Variants in ST3GAL2 observed in about 807,000 individuals in gnomAD.
The protein encoded by ST3GAL2 is ST3 beta-galactoside alpha-2,3-sialyltransferase 2.
Under a neutral mutation model 37.5 loss-of-function variants are expected in ST3GAL2, and 16 were observed. The ratio of observed to expected loss-of-function variants is 0.43; its 90% CI spans 0.29 to 0.65. ST3GAL2 has a LOEUF of 0.65. Ranked by LOEUF, ST3GAL2 falls within the 30% of genes least tolerant of loss-of-function variation. The pLI is 0.17. For synonymous variants in ST3GAL2, 238 were observed against 202.9 expected (o/e 1.17, Z -1.47); for missense variants, 383 against 487.8 (o/e 0.79, Z 2.02).
chr16:70,406,787 A>G (rs2047595389), intron 1 of ST3GAL2, among the ~76,000 whole-genome samples: 1 of 152,168 alleles, frequency 6.6e-6, no homozygotes. Context: ...TCTCAAAAAA[A>G]AAAAAGGAAT....
intron 1 of ST3GAL2, among the ~76,000 whole-genome samples, chr16:70,418,989 G>A (rs16970153): frequency 0.081 from 12,321 of 152,152 alleles, 1,662 homozygotes; most frequent in African/African-American, 0.28. Flanking sequence ...TCTCCTAAAG[G>A]GCCCAACCCG....
At chr16:70,413,204 C>G (rs1475623095) in intron 1 of ST3GAL2, among the ~76,000 whole-genome samples, 1 of 150,726 alleles carries the variant, frequency 6.6e-6, no homozygotes, top group African/African-American at 2.4e-5. Context: ...GAGCTAAGAT[C>G]GGGCCACTGC....
At chr16:70,399,576 C>T (rs773037981) in intron 1 of ST3GAL2, 43 bp from the exon 2 acceptor site, 7 of 396,774 alleles carry the variant, frequency 1.8e-5, no homozygotes, top group South Asian at 1.4e-4. Flanking sequence ...ATGAATCACA[C>T]GGGCACCAGG....
intron 1 of ST3GAL2, among the ~76,000 whole-genome samples, chr16:70,429,639 T>C (rs2047775552): frequency 9.2e-6 from 1 of 108,470 alleles, no homozygotes; most frequent in Non-Finnish European, 1.7e-5. Context: ...CTTTAAATTC[T>C]TTTTTTTTTT....
At chr16:70,436,762 C>A (rs1479851851) in intron 1 of ST3GAL2, among the ~76,000 whole-genome samples, 1 of 152,106 alleles carries the variant, frequency 6.6e-6, no homozygotes, top group Non-Finnish European at 1.5e-5. Flanking sequence ...GTGCTAAGGA[C>A]CAAGCCAGGT....
intron 1 of ST3GAL2, among the ~76,000 whole-genome samples, chr16:70,423,585 T>C (rs909614438): frequency 2.0e-5 from 3 of 152,172 alleles, no homozygotes; most frequent in African/African-American, 7.2e-5. Flanking sequence ...ACCTGGGTTC[T>C]TGCCTCAGTT....
At chr16:70,437,937 T>C (rs559054785) in intron 1 of ST3GAL2, among the ~76,000 whole-genome samples, 2 of 152,218 alleles carry the variant, frequency 1.3e-5, no homozygotes, top group East Asian at 3.9e-4. Context: ...CCCGGAGGCT[T>C]TGACTGAAAA....
chr16:70,389,842 A>C (rs1167519859), intron 3 of ST3GAL2, among the ~76,000 whole-genome samples: 1 of 151,272 alleles, frequency 6.6e-6, no homozygotes, highest in Non-Finnish European at 1.5e-5. Flanking sequence ...GCTGGAGTGC[A>C]GTGTCACAAT....
chr16:70,429,929 C>G (rs2151680406), intron 1 of ST3GAL2, among the ~76,000 whole-genome samples: 2 of 152,284 alleles, frequency 1.3e-5, no homozygotes, highest in Non-Finnish European at 2.9e-5. Context: ...AATGACTTGC[C>G]CCGGGTCACA....
At chr16:70,420,977 G>A (rs1372771456) in intron 1 of ST3GAL2, among the ~76,000 whole-genome samples, 2 of 152,214 alleles carry the variant, frequency 1.3e-5, no homozygotes, top group African/African-American at 4.8e-5. Context: ...TTCCAGCTAG[G>A]AAGAGAGGTC....
intron 1 of ST3GAL2, among the ~76,000 whole-genome samples, chr16:70,434,467 G>A (rs1015291308): frequency 2.6e-5 from 4 of 152,096 alleles, no homozygotes; most frequent in Non-Finnish European, 5.9e-5. Flanking sequence ...CAGACTTTTG[G>A]GGGCAGACAA....
chr16:70,392,031 T>C (rs980123518), intron 3 of ST3GAL2, among the ~76,000 whole-genome samples: 2 of 152,218 alleles, frequency 1.3e-5, no homozygotes, highest in African/African-American at 2.4e-5. Flanking sequence ...CCATCTGTCT[T>C]CTGCACTGAC....
At chr16:70,426,441 C>T (rs2047751940) in intron 1 of ST3GAL2, among the ~76,000 whole-genome samples, 1 of 151,894 alleles carries the variant, frequency 6.6e-6, no homozygotes, top group African/African-American at 2.4e-5. Context: ...CTCAGGCAAT[C>T]CGCCTGCCTC....
chr16:70,376,051 C>T lies in ST3GAL2; in HGVS notation c.*5638G>A, dbSNP rs971058084. ...TCAAACTCTTCCCTTTCATGGTCTC[C>T]AGTGCGGTGCCCGTGGTAACAGCGT... is the stretch of plus-strand genomic sequence containing the variant. On this transcript the variant is annotated 3_prime_UTR_variant, in exon 7 of 7. Transcript: ENST00000342907. The T allele has an allele frequency of 2.0e-5, 3 of 152,178 alleles. No homozygotes were observed. Among genetic ancestry groups the T allele is most frequent in the African/African-American group, 7.2e-5 (3 of 41,434 alleles). The allele number at this position is 152,178 out of a possible 1,614,324, so 9.4% of individuals were successfully genotyped here.
At chr16:70,409,006 T>A (rs945997507) in intron 1 of ST3GAL2, among the ~76,000 whole-genome samples, 3 of 132,926 alleles carry the variant, frequency 2.3e-5, no homozygotes, top group Non-Finnish European at 4.8e-5. Context: ...GGCAGGGGAG[T>A]TGGGGTGAAG....
chr16:70,408,123 G>C (rs946853395), intron 1 of ST3GAL2, among the ~76,000 whole-genome samples: 1 of 152,150 alleles, frequency 6.6e-6, no homozygotes, highest in African/African-American at 2.4e-5. Flanking sequence ...ATTTTCGGGG[G>C]ATAGCCTCTC....
At position 70,388,426 on chromosome 16, in the gene ST3GAL2, G is replaced by C; in HGVS notation, c.654C>G (p.Pro218=). ...LPANVSFVLV[P]FKVLDLLWIA... ...TCCACAGAAGGTCCAGGACCTTGAA[G>C]GGCACCAGCACGAAGCTGACGTTGG... The change falls in exon 4 of 7, where the codon CCC becomes CCG. Residue 218 remains proline, a synonymous_variant. Coordinates refer to ENST00000342907, the MANE Select transcript of ST3GAL2 (RefSeq NM_006927.4). 6.2e-7 allele frequency: 1 copy of C among 1,614,196 alleles called. No individual in the cohort carries two copies. The highest frequency in any genetic ancestry group is 8.5e-7 in the Non-Finnish European group (1 of 1,180,042).
intron 1 of ST3GAL2, among the ~76,000 whole-genome samples, chr16:70,429,798 C>T (rs1276432963): frequency 6.6e-6 from 1 of 151,758 alleles, no homozygotes; most frequent in Non-Finnish European, 1.5e-5. Context: ...CCCTCCACCA[C>T]ACCCGGCTAA....
intron 1 of ST3GAL2, among the ~76,000 whole-genome samples, chr16:70,437,578 T>C (rs769766724): frequency 6.7e-6 from 1 of 149,524 alleles, no homozygotes; most frequent in Non-Finnish European, 1.5e-5. Context: ...GCCACCTCTC[T>C]GAGCCCTCGT....
Sources: gnomAD v4.1 joint callset for allele counts (sites outside exome capture counted in the v4.1 genomes callset) on GRCh38, gnomAD v4.1.1 for gene constraint, MANE v1.5 for transcripts, NCBI Gene and HGNC (gene_info 2026-07-23, HGNC 2026-07-21) for gene names.